The following SLC9A7 variants were observed in gnomAD, a reference collection of about 807,000 sequenced individuals.
SLC9A7 encodes solute carrier family 9 member A7.
In SLC9A7, 19 loss-of-function variants were observed where a neutral mutation model predicts 52.6. That is an observed-to-expected ratio of 0.36 (90% CI 0.25 to 0.53). SLC9A7 has a LOEUF of 0.53. Ranked by LOEUF, SLC9A7 falls within the 20% of genes least tolerant of loss-of-function variation. SLC9A7 has a pLI of 0.91. For missense variants in SLC9A7, 455 were observed against 597.9 expected, an observed-to-expected ratio of 0.76 and a Z score of 2.49; for synonymous variants, 226 against 252.1, an observed-to-expected ratio of 0.90 and a Z score of 0.98.
intron 1 of SLC9A7, among the ~76,000 whole-genome samples, chrX:46,706,690 T>C (rs1485834592): frequency 1.8e-5 from 2 of 111,810 alleles, no homozygotes; most frequent in African/African-American, 6.5e-5. Flanking sequence ...ACCAGATACC[T>C]GGGAGTTATC....
intron 1 of SLC9A7, among the ~76,000 whole-genome samples, chrX:46,739,434 G>A (rs976753257): frequency 9.1e-6 from 1 of 110,159 alleles, no homozygotes; most frequent in Admixed American, 9.7e-5. Context: ...ACAGGGTAAG[G>A]AGTGACTCCT....
At chrX:46,627,748 G>T (rs1943153379) in intron 14 of SLC9A7, among the ~76,000 whole-genome samples, 1 of 85,102 alleles carries the variant, frequency 1.2e-5, no homozygotes, top group Non-Finnish European at 2.2e-5. Context: ...GCCAAGGGAG[G>T]CACTTGGAAG....
intron 1 of SLC9A7, among the ~76,000 whole-genome samples, chrX:46,705,840 G>A (rs1316320483): frequency 1.8e-5 from 2 of 110,452 alleles, no homozygotes; most frequent in African/African-American, 6.6e-5. Flanking sequence ...TGTCTCAAAA[G>A]GAAAAAAAGA....
intron 1 of SLC9A7, among the ~76,000 whole-genome samples, chrX:46,740,579 T>C (rs1268837218): frequency 9.0e-6 from 1 of 111,625 alleles, no homozygotes; most frequent in Non-Finnish European, 1.9e-5. Context: ...CCATATATTG[T>C]AATATATACA....
chrX:46,700,094 C>A (rs1176469055), intron 1 of SLC9A7, among the ~76,000 whole-genome samples: 2 of 107,989 alleles, frequency 1.9e-5, no homozygotes, highest in Non-Finnish European at 3.8e-5. Context: ...GACAGCGAAA[C>A]CTTGTCTCAA....
At chrX:46,680,476 T>G (rs756448852) in intron 2 of SLC9A7, among the ~76,000 whole-genome samples, 29 of 111,761 alleles carry the variant, frequency 2.6e-4, no homozygotes, top group Non-Finnish European at 4.3e-4. Context: ...GACAAAATTG[T>G]GCTGAATTTA....
intron 12 of SLC9A7, among the ~76,000 whole-genome samples, chrX:46,637,900 T>C (rs1391673852): frequency 1.8e-5 from 2 of 112,567 alleles, no homozygotes; most frequent in Non-Finnish European, 3.7e-5. Flanking sequence ...TTTGGATTTA[T>C]AGTTATATTC....
intron 1 of SLC9A7, among the ~76,000 whole-genome samples, chrX:46,734,853 C>T (rs1448864456): frequency 8.9e-6 from 1 of 111,764 alleles, no homozygotes; most frequent in Non-Finnish European, 1.9e-5. Context: ...CAATAAGATC[C>T]CTGGTATCCA....
intron 5 of SLC9A7, among the ~76,000 whole-genome samples, chrX:46,662,847 G>C (rs1352827077): frequency 8.9e-6 from 1 of 111,734 alleles, no homozygotes; most frequent in Non-Finnish European, 1.9e-5. Flanking sequence ...TATGATGCTT[G>C]AGTCTAATGA....
At chrX:46,634,428 T>C (rs182567469) in intron 13 of SLC9A7, among the ~76,000 whole-genome samples, 121 of 111,322 alleles carry the variant, frequency 1.1e-3, no homozygotes, top group African/African-American at 3.6e-3. Flanking sequence ...AGTTTAGAAG[T>C]ATTCCATGTT....
At chrX:46,705,494 T>A (rs1393705790) in intron 1 of SLC9A7, among the ~76,000 whole-genome samples, 1 of 111,995 alleles carries the variant, frequency 8.9e-6, no homozygotes, top group Non-Finnish European at 1.9e-5. Context: ...CGCCTGTAAT[T>A]CCAGCACTTT....
At chrX:46,707,725 G>T (rs1175100675) in intron 1 of SLC9A7, among the ~76,000 whole-genome samples, 2 of 112,066 alleles carry the variant, frequency 1.8e-5, no homozygotes, top group Non-Finnish European at 3.8e-5. Context: ...AGCCAGGTGT[G>T]GTGACATGTG....
At chrX:46,636,808 G>C (rs969779038) in intron 12 of SLC9A7, among the ~76,000 whole-genome samples, 6 of 111,735 alleles carry the variant, frequency 5.4e-5, no homozygotes, top group Admixed American at 3.8e-4. Flanking sequence ...AAAAAAGATT[G>C]AGAACTACTT....
intron 1 of SLC9A7, among the ~76,000 whole-genome samples, chrX:46,686,812 T>C (rs980656973): frequency 8.9e-6 from 1 of 112,051 alleles, no homozygotes; most frequent in Non-Finnish European, 1.9e-5. Context: ...GGTACATTAC[T>C]AATGAAAGAA....
chrX:46,720,034 A>C (rs1569523264), intron 1 of SLC9A7, among the ~76,000 whole-genome samples: 1 of 111,844 alleles, frequency 8.9e-6, no homozygotes, highest in Admixed American at 9.5e-5. Flanking sequence ...GACAAGAACA[A>C]GATGAACAAC....
At chrX:46,695,684 G>A (rs750781393) in intron 1 of SLC9A7, among the ~76,000 whole-genome samples, 1 of 111,025 alleles carries the variant, frequency 9.0e-6, no homozygotes, top group Non-Finnish European at 1.9e-5. Flanking sequence ...CATCTGGACA[G>A]TTGGTCTGCC....
intron 1 of SLC9A7, among the ~76,000 whole-genome samples, chrX:46,731,992 C>T (rs1420488097): frequency 1.8e-5 from 2 of 110,576 alleles, no homozygotes; most frequent in Non-Finnish European, 3.8e-5. Flanking sequence ...GAGGCTGAGG[C>T]GGGTGGATCA....
chrX:46,670,880 T>C (rs1944007968), intron 4 of SLC9A7, among the ~76,000 whole-genome samples: 1 of 111,805 alleles, frequency 8.9e-6, no homozygotes, highest in African/African-American at 3.3e-5. Context: ...CCTTTAAACA[T>C]TCCTGGAACA....
chrX:46,650,072 A>G (rs1232535582), intron 10 of SLC9A7, among the ~76,000 whole-genome samples: 1 of 112,763 alleles, frequency 8.9e-6, no homozygotes, highest in African/African-American at 3.2e-5. Flanking sequence ...CTCTCACGCT[A>G]GAAGGATTCC....
Sources: gnomAD v4.1 joint callset for allele counts (sites outside exome capture counted in the v4.1 genomes callset) on GRCh38, gnomAD v4.1.1 for gene constraint, MANE v1.5 for transcripts, NCBI Gene and HGNC (gene_info 2026-07-23, HGNC 2026-07-21) for gene names.